The following EPN2 variants were observed in gnomAD, a reference collection of about 807,000 sequenced individuals.
EPN2 encodes the protein epsin-2.
In EPN2, 34 loss-of-function variants were observed where a neutral mutation model predicts 61.7. That is an observed-to-expected ratio of 0.55 (90% CI 0.42 to 0.73). The LOEUF is 0.73. Among genes scored for constraint, EPN2 ranks in the 30% least tolerant of loss-of-function variants. EPN2 has a pLI of 0.00. For synonymous variants in EPN2, 349 were observed against 353.6 expected, an observed-to-expected ratio of 0.99 and a Z score of 0.15; for missense variants, 714 against 839.2, an observed-to-expected ratio of 0.85 and a Z score of 1.84.
chr17:19,256,665 G>A (rs1485632779), intron 1 of EPN2, among the ~76,000 whole-genome samples: 3 of 151,978 alleles, frequency 2.0e-5, no homozygotes, highest in African/African-American at 7.3e-5. Context: ...AAGCTCTGAG[G>A]GGCTCCTCTC....
chr17:19,261,232 G>C (rs2045138564), intron 1 of EPN2, among the ~76,000 whole-genome samples: 1 of 152,220 alleles, frequency 6.6e-6, no homozygotes, highest in Non-Finnish European at 1.5e-5. Flanking sequence ...GTTGATGCCT[G>C]ATTCCCCACT....
At chr17:19,257,189 A>G (rs966200154) in intron 1 of EPN2, among the ~76,000 whole-genome samples, 3 of 151,514 alleles carry the variant, frequency 2.0e-5, no homozygotes, top group African/African-American at 4.9e-5. Context: ...TCATTTAGCT[A>G]TTTTGTCTTT....
rs1159248089 is a variant in EPN2 at position 19,283,988 on chromosome 17, A to G, written c.595+274A>G. ...CTGTACATCTGGGCAGACGGTGGGCAGAGGCAGGTCTTTTCTGCTTCCTTG... is the reference window on the plus strand; with the variant it reads ...CTGTACATCTGGGCAGACGGTGGGCGGAGGCAGGTCTTTTCTGCTTCCTTG... On this transcript the variant is annotated intron_variant, in intron 3 of 10. Coordinates refer to ENST00000314728, the MANE Select transcript of EPN2 (RefSeq NM_014964.5). The surrounding 1 kb of genome is among the most constrained non-coding windows in gnomAD (Gnocchi z 7.0). 1.3e-5 allele frequency among the ~76,000 whole-genome samples: 2 copies of G among 152,216 alleles called. No homozygotes were observed. Among genetic ancestry groups the G allele is most frequent in the Non-Finnish European group, 2.9e-5 (2 of 68,040 alleles).
rs1906222824 is a variant in EPN2, at chr17:19,313,086, C to T, written c.973-19C>T. ...ACTGTAGCATAGTAAAACCTGTCCC[C>T]TTCTCTTTGTCTTAAAAGCATGGCT... On this transcript the variant is annotated intron_variant, in intron 6 of 10. Coordinates refer to ENST00000314728, the MANE Select transcript of EPN2 (RefSeq NM_014964.5). 1 of 1,610,820 alleles carries T rather than the reference C, an allele frequency of 6.2e-7. No individual in the cohort carries two copies. The highest frequency in any genetic ancestry group is 1.3e-5 in the African/African-American group (1 of 74,754).
Position 19,333,979 on chromosome 17 carries a change from G to A in EPN2, c.1651G>A (p.Val551Ile). 1 of 1,572,642 alleles carries A rather than the reference G, an allele frequency of 6.4e-7. No individual in the cohort carries two copies. ...APGAPATSAPVNPFQVNQPQP... is the reference protein window; with the variant it reads ...APGAPATSAPINPFQVNQPQP... ...AGGTGCTCCCGCCACCTCGGCCCCT[G>A]TTAACCCTTTCCAGGTGAACCAGCC... Residue 551 changes from valine (V) to isoleucine (I), a missense_variant, in exon 11 of 11, where the codon GTT becomes ATT. By Grantham distance (29) the Val-to-Ile change is conservative. This residue lies in a region of EPN2 where 410 missense variants were observed against 421.8 expected (regional missense o/e 0.97). Transcript: ENST00000314728.
chr17:19,315,478 C>T (rs955157679), intron 7 of EPN2, among the ~76,000 whole-genome samples: 2 of 152,076 alleles, frequency 1.3e-5, no homozygotes, highest in African/African-American at 4.8e-5. Context: ...AGATAAAATT[C>T]ACCATTTCAA....
chr17:19,299,777 A>G (rs1430792143), intron 4 of EPN2, among the ~76,000 whole-genome samples: 2 of 152,138 alleles, frequency 1.3e-5, no homozygotes, highest in East Asian at 3.9e-4. Flanking sequence ...CCAGCCCTGC[A>G]TTGGGGCCAT....
intron 1 of EPN2, among the ~76,000 whole-genome samples, chr17:19,277,197 C>A (rs562128990): frequency 1.3e-5 from 2 of 151,868 alleles, no homozygotes; most frequent in South Asian, 4.2e-4. Context: ...GGTCAGGAGT[C>A]CGAGACCAGC....
Position 19,335,420 on chromosome 17 carries a change from C to G in EPN2, c.*1166C>G. ...TTTATTAAAGGCATGCAGGGATTAA[C>G]AGGACTTCTGTTTACAATGGAAATC... On this transcript the variant is annotated 3_prime_UTR_variant, in exon 11 of 11. Transcript: ENST00000314728. The G allele has an allele frequency of 6.5e-7, 1 of 1,549,822 alleles. No homozygotes were observed. Among genetic ancestry groups the G allele is most frequent in the Non-Finnish European group, 8.7e-7 (1 of 1,146,578 alleles).
At chr17:19,306,736 A>T (rs767079710) in intron 4 of EPN2, among the ~76,000 whole-genome samples, 6 of 152,174 alleles carry the variant, frequency 3.9e-5, no homozygotes, top group Non-Finnish European at 8.8e-5. Flanking sequence ...TAGCTGTGCA[A>T]CTCAGTACCA....
chr17:19,302,275 C>A (rs532081598), intron 4 of EPN2, among the ~76,000 whole-genome samples: 32 of 152,234 alleles, frequency 2.1e-4, no homozygotes, highest in Admixed American at 4.6e-4. Flanking sequence ...CACAACAACC[C>A]TGGGAGACGG....
chr17:19,301,717 C>T (rs953640197), intron 4 of EPN2, among the ~76,000 whole-genome samples: 1 of 152,220 alleles, frequency 6.6e-6, no homozygotes, highest in Non-Finnish European at 1.5e-5. Flanking sequence ...GCCCTTTTGC[C>T]GTTCCTTCCA....
In EPN2 at chr17:19,335,466, T is replaced by C; in HGVS notation, c.*1212T>C. On this transcript the variant is annotated 3_prime_UTR_variant, in exon 11 of 11. Transcript: ENST00000314728. ...AAATCTGAAATGGAAGAAACATCTT[T>C]AACCTTGTGTGTCTGTGATCTCCTC... The C allele has an allele frequency of 1.3e-6, 2 of 1,550,016 alleles. No homozygotes were observed. The highest frequency in any genetic ancestry group is 1.7e-6 in the Non-Finnish European group (2 of 1,146,606).
At chr17:19,243,071 G>A (rs1411248389) in intron 1 of EPN2, among the ~76,000 whole-genome samples, 1 of 152,136 alleles carries the variant, frequency 6.6e-6, no homozygotes, top group African/African-American at 2.4e-5. Context: ...ATCTCTAAAG[G>A]GGGGCTCGTA....
intron 6 of EPN2, chr17:19,312,797 G>A (rs1222919695): frequency 3.1e-6 from 1 of 322,684 alleles, no homozygotes; most frequent in Non-Finnish European, 5.7e-6. Flanking sequence ...CAGGTGGGAG[G>A]GATGGCGTTC....
In EPN2 at chr17:19,313,291, A is replaced by G. The variant is rs772888620; in HGVS notation, c.1147+12A>G. ...CTGGCCATCGTTTGGTAAAGACCCC[A>G]TTACTGGTCTCCCGTGCTTGCCTGC... On this transcript the variant is annotated intron_variant, in intron 7 of 10. Coordinates refer to ENST00000314728, the MANE Select transcript of EPN2 (RefSeq NM_014964.5). The G allele has an allele frequency of 6.6e-7, 1 of 1,511,206 alleles. No individual in the cohort carries two copies. The highest frequency in any genetic ancestry group is 8.8e-7 in the Non-Finnish European group (1 of 1,132,306). The allele number at this position is 1,511,206 out of a possible 1,614,324, so 93.6% of individuals were successfully genotyped here.
intron 1 of EPN2, among the ~76,000 whole-genome samples, chr17:19,276,893 T>A (rs2045312937): frequency 6.6e-6 from 1 of 151,744 alleles, no homozygotes; most frequent in Non-Finnish European, 1.5e-5. Context: ...GTGTAGAGGT[T>A]CATAAGAAAT....
At chr17:19,249,303 G>A in intron 1 of EPN2, 1 of 152,424 alleles carries the variant, frequency 6.6e-6, no homozygotes, top group Non-Finnish European at 1.5e-5. Context: ...CCTGAGGGTG[G>A]CTGGGAGGGA....
At chr17:19,324,238 T>G (rs1906766198) in intron 7 of EPN2, among the ~76,000 whole-genome samples, 1 of 152,224 alleles carries the variant, frequency 6.6e-6, no homozygotes. Context: ...GTTAAAAGGA[T>G]AAGTAGAAAA....
Sources: gnomAD v4.1 joint callset for allele counts (sites outside exome capture counted in the v4.1 genomes callset) on GRCh38, gnomAD v4.1.1 for gene constraint, gnomAD v4.1.1 regional missense constraint, Gnocchi (gnomAD v3.1) non-coding constraint, MANE v1.5 for transcripts, NCBI Gene and HGNC (gene_info 2026-07-23, HGNC 2026-07-21) for gene names.